Variants in METAP1D observed in about 807,000 individuals in gnomAD.
METAP1D encodes the protein methionyl aminopeptidase type 1D, mitochondrial.
METAP1D carries 31 observed loss-of-function variants against 40.5 expected under a neutral mutation model. The ratio of observed to expected loss-of-function variants is 0.77; its 90% CI spans 0.58 to 1.03. The LOEUF (loss-of-function observed/expected upper bound fraction) is 1.03, where lower values mean the gene tolerates loss of function less well. Ranked by LOEUF, METAP1D falls within the 50% of genes least tolerant of loss-of-function variation. The probability of loss-of-function intolerance (pLI) is 0.00; values close to 1 mark genes in which losing one functional copy is unlikely to be tolerated. For missense variants in METAP1D, 411 were observed against 420.7 expected, an observed-to-expected ratio of 0.98 and a Z score of 0.20; for synonymous variants, 151 against 146.4, an observed-to-expected ratio of 1.03 and a Z score of -0.22.
chr2:172,038,556 A>T (rs914824033), intron 1 of METAP1D, among the ~76,000 whole-genome samples: 2 of 152,202 alleles, frequency 1.3e-5, no homozygotes, highest in African/African-American at 4.8e-5. Context: ...TATTTTTTAA[A>T]TTGTAGCATT....
intron 5 of METAP1D, among the ~76,000 whole-genome samples, chr2:172,067,454 C>T (rs952099297): frequency 6.6e-6 from 1 of 152,134 alleles, no homozygotes. Flanking sequence ...ATCATTTTAT[C>T]CTACTTAAAA....
intron 1 of METAP1D, among the ~76,000 whole-genome samples, chr2:172,035,133 A>C (rs192110450): frequency 7.0e-5 from 10 of 143,250 alleles, no homozygotes; most frequent in African/African-American, 2.5e-4. Context: ...ATACCTATGT[A>C]ACTACTGTAC....
chr2:172,042,228 CAT>C (rs770041654), intron 1 of METAP1D, among the ~76,000 whole-genome samples: 19 of 11,706 alleles, frequency 1.6e-3, no homozygotes, highest in South Asian at 4.1e-3. Context: ...CATGTGTACA[CAT>C]ATACATATGT....
rs183627905 is a variant in METAP1D at position 172,041,479 on chromosome 2, C to T, written c.41-20019C>T. 1.3e-3 allele frequency among the ~76,000 whole-genome samples: 155 copies of T among 123,074 alleles called. 37 individuals are homozygous for T. The highest frequency in any genetic ancestry group is 4.7e-3 in the Middle Eastern group (1 of 214). The allele number at this position is 123,074 out of a possible 152,430, so 80.7% of individuals were successfully genotyped here. On this transcript the variant is annotated intron_variant, in intron 1 of 9. Coordinates refer to ENST00000315796, the MANE Select transcript of METAP1D (RefSeq NM_199227.3). ...GTATCAAAAAAAAAAAAAAAGAATC[C>T]ACTTAAATGCTCATCATTGGTTAAA...
intron 1 of METAP1D, among the ~76,000 whole-genome samples, chr2:172,033,300 T>C (rs1250815410): frequency 6.6e-6 from 1 of 151,914 alleles, no homozygotes; most frequent in African/African-American, 2.4e-5. Context: ...ATAAGAGACA[T>C]AGCAATCAAG....
chr2:172,062,254 A>G (rs937503327), intron 2 of METAP1D, among the ~76,000 whole-genome samples: 2 of 152,166 alleles, frequency 1.3e-5, no homozygotes, highest in Admixed American at 6.5e-5. Flanking sequence ...CTAAAGAAAT[A>G]TAGATTGGTC....
intron 6 of METAP1D, among the ~76,000 whole-genome samples, chr2:172,071,848 C>A (rs1381793495): frequency 2.6e-5 from 4 of 152,138 alleles, no homozygotes; most frequent in Non-Finnish European, 4.4e-5. Flanking sequence ...CCATTGAATA[C>A]TTCCCATTTG....
At chr2:172,019,838 A>G (rs1411452098) in intron 1 of METAP1D, among the ~76,000 whole-genome samples, 2 of 152,078 alleles carry the variant, frequency 1.3e-5, no homozygotes, top group Non-Finnish European at 2.9e-5. Context: ...CTCTAGTGCT[A>G]TATTGTAACC....
rs1553493427 is a variant in METAP1D at position 172,041,726 on chromosome 2, T to TATATATATATA, written c.41-19772_41-19771insATATATATATA. On this transcript the variant is annotated intron_variant, in intron 1 of 9. Coordinates refer to ENST00000315796, the MANE Select transcript of METAP1D (RefSeq NM_199227.3). ...TTTTAATTTCCTTACTCTAATTATT[T>TATATATATATA]TATATATATATATATATATATATAT... 5.9e-4 allele frequency among the ~76,000 whole-genome samples: 22 copies of TATATATATATA among 37,570 alleles called. 3 individuals carry two copies. The highest frequency in any genetic ancestry group is 1.1e-3 in the Non-Finnish European group (17 of 15,594). 24.6% of individuals were successfully genotyped at this position (37,570 alleles called of 152,430 possible).
intron 1 of METAP1D, among the ~76,000 whole-genome samples, chr2:172,023,013 C>G (rs1689040274): frequency 6.6e-6 from 1 of 152,092 alleles, no homozygotes; most frequent in Admixed American, 6.6e-5. Flanking sequence ...ATGGAGAAAC[C>G]TCGTCTCTAC....
intron 6 of METAP1D, among the ~76,000 whole-genome samples, chr2:172,075,555 G>A (rs1690521181): frequency 6.6e-6 from 1 of 152,164 alleles, no homozygotes; most frequent in Admixed American, 6.5e-5. Context: ...TTAGAGGAGT[G>A]AAATTTGCTA....
At chr2:172,051,237 A>G (rs1689878504) in intron 1 of METAP1D, among the ~76,000 whole-genome samples, 1 of 152,092 alleles carries the variant, frequency 6.6e-6, no homozygotes. Context: ...CCCTTCCCCC[A>G]GCTATAATTC....
Position 172,080,483 on chromosome 2 carries a change from G to A in METAP1D, c.*77G>A. ...AAATTTGGCTGGAGAACTTTTAGAA[G>A]AAACAGGGAAATGACCGGTGGTGCG... On this transcript the variant is annotated 3_prime_UTR_variant, in exon 10 of 10. Coordinates refer to ENST00000315796, the MANE Select transcript of METAP1D (RefSeq NM_199227.3). 11 of 1,481,596 alleles carry A rather than the reference G, an allele frequency of 7.4e-6. No individual in the cohort carries two copies. Among genetic ancestry groups the A allele is most frequent in the Non-Finnish European group, 1.0e-5 (11 of 1,063,158 alleles). The allele number at this position is 1,481,596 out of a possible 1,614,324, so 91.8% of individuals were successfully genotyped here.
chr2:172,034,078 A>G (rs1467759449), intron 1 of METAP1D, among the ~76,000 whole-genome samples: 2 of 144,776 alleles, frequency 1.4e-5, no homozygotes, highest in African/African-American at 5.2e-5. Flanking sequence ...CTTCATCTCA[A>G]AAAAAAAAAA....
chr2:172,012,283 C>T (rs1046693484), intron 1 of METAP1D, among the ~76,000 whole-genome samples: 1 of 152,176 alleles, frequency 6.6e-6, no homozygotes, highest in African/African-American at 2.4e-5. Flanking sequence ...TCCTCTCTCC[C>T]CTACTTTATG....
intron 1 of METAP1D, among the ~76,000 whole-genome samples, chr2:172,039,243 G>A (rs1459290808): frequency 6.6e-6 from 1 of 152,072 alleles, no homozygotes. Flanking sequence ...CATCACAATG[G>A]CCAAGTCTCA....
chr2:172,031,759 T>C (rs1180171078), intron 1 of METAP1D, among the ~76,000 whole-genome samples: 1 of 152,212 alleles, frequency 6.6e-6, no homozygotes, highest in Non-Finnish European at 1.5e-5. Flanking sequence ...GAGGACCTGA[T>C]TTAAACAAGG....
chr2:172,003,213 G>A (rs1488484484), intron 1 of METAP1D, among the ~76,000 whole-genome samples: 2 of 152,236 alleles, frequency 1.3e-5, no homozygotes, highest in Middle Eastern at 3.4e-3. Flanking sequence ...CAAGAGAGAA[G>A]GTAACAAGGG....
intron 1 of METAP1D, among the ~76,000 whole-genome samples, chr2:172,052,032 G>A (rs886790766): frequency 2.6e-5 from 4 of 152,130 alleles, no homozygotes; most frequent in East Asian, 1.9e-4. Context: ...AGGACAACAC[G>A]GTTGGATGTG....
Sources: gnomAD v4.1 joint callset for allele counts (sites outside exome capture counted in the v4.1 genomes callset) on GRCh38, gnomAD v4.1.1 for gene constraint, MANE v1.5 for transcripts, NCBI Gene and HGNC (gene_info 2026-07-23, HGNC 2026-07-21) for gene names.